VWA8: variants seen among roughly 807,000 people sequenced by gnomAD.
The protein encoded by VWA8 is von Willebrand factor A domain containing 8.
Under a neutral mutation model 241.5 loss-of-function variants are expected in VWA8, and 221 were observed. That is an observed-to-expected ratio of 0.91 (90% CI 0.82 to 1.02). VWA8 has a LOEUF of 1.02. Among genes scored for constraint, VWA8 ranks in the 50% least tolerant of loss-of-function variants. VWA8 has a pLI of 0.00. For synonymous variants in VWA8, 852 were observed against 827.1 expected, an observed-to-expected ratio of 1.03 and a Z score of -0.52; for missense variants, 2,322 against 2,328.7, an observed-to-expected ratio of 1.00 and a Z score of 0.06.
At chr13:41,957,235 C>T (rs1330202748) in intron 1 of VWA8, among the ~76,000 whole-genome samples, 6 of 152,046 alleles carry the variant, frequency 3.9e-5, no homozygotes, top group African/African-American at 1.2e-4. Flanking sequence ...GTGCTGTTCT[C>T]GTGGTAGTGA....
intron 16 of VWA8, among the ~76,000 whole-genome samples, chr13:41,811,868 C>G (rs1870487682): frequency 6.6e-6 from 1 of 152,168 alleles, no homozygotes; most frequent in Non-Finnish European, 1.5e-5. Context: ...AGAATACTTT[C>G]ACTTTGCTAT....
intron 12 of VWA8, among the ~76,000 whole-genome samples, chr13:41,836,095 C>T (rs1384667993): frequency 1.3e-5 from 2 of 152,132 alleles, no homozygotes; most frequent in Non-Finnish European, 2.9e-5. Context: ...ATGCCTCCCA[C>T]GTGGGAAACA....
intron 21 of VWA8, among the ~76,000 whole-genome samples, chr13:41,751,014 A>G (rs555207408): frequency 1.3e-5 from 2 of 152,322 alleles, no homozygotes; most frequent in South Asian, 4.1e-4. Context: ...CAGCAGCCTC[A>G]ATTGCAAGAC....
chr13:41,589,362 G>GA (rs767205304), intron 41 of VWA8, among the ~76,000 whole-genome samples: 24 of 152,106 alleles, frequency 1.6e-4, no homozygotes, highest in Non-Finnish European at 3.1e-4. Flanking sequence ...GAGAACAGTA[G>GA]AAAATCACTA....
intron 1 of VWA8, among the ~76,000 whole-genome samples, chr13:41,958,219 A>G (rs534152163): frequency 6.6e-6 from 1 of 152,306 alleles, no homozygotes; most frequent in Admixed American, 6.5e-5. Flanking sequence ...TATCAGGCTT[A>G]ACAAAGGTCC....
intron 37 of VWA8, among the ~76,000 whole-genome samples, chr13:41,642,562 C>CA (rs1156882566): frequency 0.043 from 2,671 of 61,540 alleles, 32 homozygotes; most frequent in Middle Eastern, 0.14. Context: ...CCGTCTCAAA[C>CA]AAAAAAAAAA....
At chr13:41,717,171 C>T (rs1269619840) in intron 26 of VWA8, among the ~76,000 whole-genome samples, 1 of 151,834 alleles carries the variant, frequency 6.6e-6, no homozygotes. Flanking sequence ...ATTTTACACT[C>T]TTTTTACAGA....
intron 26 of VWA8, among the ~76,000 whole-genome samples, chr13:41,708,362 A>T (rs1278356261): frequency 2.0e-5 from 3 of 146,918 alleles, no homozygotes; most frequent in Non-Finnish European, 3.0e-5. Context: ...ATTTGGTCTT[A>T]AAAAAAAAAA....
intron 2 of VWA8, among the ~76,000 whole-genome samples, chr13:41,939,343 A>C (rs964463270): frequency 6.6e-6 from 1 of 152,236 alleles, no homozygotes; most frequent in Non-Finnish European, 1.5e-5. Flanking sequence ...AATTCATCTA[A>C]GCCTTAAGAT....
At chr13:41,744,443 G>T (rs529547029) in intron 21 of VWA8, among the ~76,000 whole-genome samples, 8 of 152,188 alleles carry the variant, frequency 5.3e-5, no homozygotes, top group Non-Finnish European at 1.2e-4. Flanking sequence ...AGCTAAGGAA[G>T]TTGTGAACTG....
At chr13:41,904,866 G>A (rs1243724756) in intron 4 of VWA8, among the ~76,000 whole-genome samples, 1 of 151,942 alleles carries the variant, frequency 6.6e-6, no homozygotes, top group Non-Finnish European at 1.5e-5. Context: ...ATGATCCTGT[G>A]AATTAATATC....
chr13:41,631,019 ATCT>A (rs1012086490), intron 37 of VWA8, among the ~76,000 whole-genome samples: 6 of 151,886 alleles, frequency 4.0e-5, no homozygotes, highest in African/African-American at 1.5e-4. Context: ...GCAGAGAGCC[ATCT>A]TCTTCTTTAT....
At chr13:41,895,351 A>T (rs2138089963) in intron 4 of VWA8, among the ~76,000 whole-genome samples, 1 of 152,084 alleles carries the variant, frequency 6.6e-6, no homozygotes, top group South Asian at 2.1e-4. Context: ...AGTAAGAACT[A>T]AAAAAAGTCA....
chr13:41,648,451 C>T (rs575191957), intron 37 of VWA8, among the ~76,000 whole-genome samples: 4 of 152,070 alleles, frequency 2.6e-5, no homozygotes, highest in African/African-American at 9.7e-5. Context: ...GGAATAAAAA[C>T]AAGGTGACTC....
At chr13:41,888,745 T>G (rs1274653693) in intron 5 of VWA8, among the ~76,000 whole-genome samples, 1 of 152,196 alleles carries the variant, frequency 6.6e-6, no homozygotes, top group East Asian at 1.9e-4. Context: ...AGCTCCACAC[T>G]CTTGAAAGGA....
At chr13:41,944,797 T>C (rs1398638485) in intron 2 of VWA8, among the ~76,000 whole-genome samples, 2 of 151,982 alleles carry the variant, frequency 1.3e-5, no homozygotes, top group African/African-American at 2.4e-5. Context: ...AGCTACTGTA[T>C]GCAAACAGCA....
intron 2 of VWA8, chr13:41,926,518 G>C: frequency 1.9e-6 from 1 of 534,788 alleles, no homozygotes; most frequent in South Asian, 1.4e-5. Flanking sequence ...GTGGCACCAA[G>C]CAGATTTATG....
intron 23 of VWA8, among the ~76,000 whole-genome samples, chr13:41,727,691 A>C (rs908262288): frequency 2.0e-5 from 3 of 152,190 alleles, no homozygotes; most frequent in Non-Finnish European, 4.4e-5. Context: ...GCTAAAGGAT[A>C]AGTTCTTTAG....
At chr13:41,642,451 C>A in intron 37 of VWA8, among the ~76,000 whole-genome samples, 1 of 150,544 alleles carries the variant, frequency 6.6e-6, no homozygotes, top group Non-Finnish European at 1.5e-5. Flanking sequence ...CCCAGCTACT[C>A]GGGAGGCTGA....
Sources: gnomAD v4.1 joint callset for allele counts (sites outside exome capture counted in the v4.1 genomes callset) on GRCh38, gnomAD v4.1.1 for gene constraint, MANE v1.5 for transcripts, NCBI Gene and HGNC (gene_info 2026-07-23, HGNC 2026-07-21) for gene names.